The following RORA variants were observed in gnomAD, a reference collection of about 807,000 sequenced individuals.
The protein encoded by RORA is RAR related orphan receptor A, also known as nuclear receptor ROR-alpha.
RORA carries 7 observed loss-of-function variants against 69.5 expected under a neutral mutation model. That is an observed-to-expected ratio of 0.10 (90% CI 0.06 to 0.19). The LOEUF is 0.19. RORA is among the 10% of genes least tolerant of loss of function. The probability of loss-of-function intolerance (pLI) is 1.00; values close to 1 mark genes in which losing one functional copy is unlikely to be tolerated. For missense variants in RORA, 457 were observed against 663.0 expected (o/e 0.69, Z 3.41); for synonymous variants, 261 against 240.8 (o/e 1.08, Z -0.78).
intron 1 of RORA, among the ~76,000 whole-genome samples, chr15:61,082,284 T>C (rs2078554781): frequency 6.6e-6 from 1 of 151,854 alleles, no homozygotes; most frequent in African/African-American, 2.4e-5. Flanking sequence ...AGGTCAGGAG[T>C]TGGAGATCAG....
intron 2 of RORA, among the ~76,000 whole-genome samples, chr15:60,560,622 T>C (rs1489539076): frequency 2.0e-5 from 3 of 152,198 alleles, no homozygotes; most frequent in African/African-American, 4.8e-5. Flanking sequence ...GTGGGAGGGA[T>C]CACTTGAGCC....
intron 1 of RORA, among the ~76,000 whole-genome samples, chr15:60,723,779 T>A (rs896183330): frequency 6.6e-6 from 1 of 152,152 alleles, no homozygotes; most frequent in African/African-American, 2.4e-5. Flanking sequence ...ACATGCAAGA[T>A]CTTGCTCTTG....
intron 1 of RORA, among the ~76,000 whole-genome samples, chr15:60,870,759 G>C (rs757478818): frequency 6.6e-6 from 1 of 152,166 alleles, no homozygotes; most frequent in African/African-American, 2.4e-5. Context: ...TTTTATGCTA[G>C]GCCAATCCTT....
At chr15:60,876,313 G>T (rs774509130) in intron 1 of RORA, among the ~76,000 whole-genome samples, 1,196 of 7,282 alleles carry the variant, frequency 0.16, 42 homozygotes, top group South Asian at 0.2. Flanking sequence ...ACAGGAAGTG[G>T]GGGGGGGGGG....
chr15:60,733,319 G>A (rs997818842), intron 1 of RORA, among the ~76,000 whole-genome samples: 9 of 152,304 alleles, frequency 5.9e-5, no homozygotes, highest in East Asian at 3.9e-4. Flanking sequence ...ATGGGAATAA[G>A]GACAGTGGAG....
intron 1 of RORA, among the ~76,000 whole-genome samples, chr15:61,169,382 G>T (rs2140891560): frequency 6.6e-6 from 1 of 151,938 alleles, no homozygotes; most frequent in Non-Finnish European, 1.5e-5. Context: ...ATACCTCTCT[G>T]CCTGGTATCC....
intron 1 of RORA, among the ~76,000 whole-genome samples, chr15:61,100,115 T>C (rs2078856422): frequency 6.8e-6 from 1 of 147,516 alleles, no homozygotes; most frequent in African/African-American, 2.5e-5. Flanking sequence ...CAATTTTCTT[T>C]TTTTTTTTTT....
chr15:61,090,458 C>G (rs2078689254), intron 1 of RORA, among the ~76,000 whole-genome samples: 1 of 152,146 alleles, frequency 6.6e-6, no homozygotes, highest in African/African-American at 2.4e-5. Flanking sequence ...AGAATCTTGC[C>G]ACCTAGTGAT....
rs2065280163 is a variant in RORA, at chr15:60,500,011, A to G, written c.1295-7T>C. On this transcript the variant is annotated splice_region_variant and splice_polypyrimidine_tract_variant and intron_variant, in intron 9 of 10. Transcript: ENST00000335670. ...TCTTGCAGCCATGAGCGATCTAAGC[A>G]TAAAAAAATGATATTCTTTAGCATT... 5 of 1,573,272 alleles carry G rather than the reference A, an allele frequency of 3.2e-6. No homozygotes were observed. Among genetic ancestry groups the G allele is most frequent in the Non-Finnish European group, 4.4e-6 (5 of 1,147,008 alleles).
At chr15:60,913,777 T>C (rs1397928497) in intron 1 of RORA, among the ~76,000 whole-genome samples, 4 of 152,338 alleles carry the variant, frequency 2.6e-5, no homozygotes, top group East Asian at 1.9e-4. Context: ...GTAACAACTG[T>C]AGAGTTAGAG....
intron 1 of RORA, among the ~76,000 whole-genome samples, chr15:60,971,235 C>G (rs1274932243): frequency 6.6e-6 from 1 of 152,208 alleles, no homozygotes; most frequent in Admixed American, 6.5e-5. Flanking sequence ...CTGGACTCCC[C>G]TAACACTGCA....
At chr15:61,077,252 G>A (rs2140638286) in intron 1 of RORA, among the ~76,000 whole-genome samples, 1 of 152,138 alleles carries the variant, frequency 6.6e-6, no homozygotes, top group South Asian at 2.1e-4. Context: ...GTAGTGAGGG[G>A]AGAAAGATAA....
chr15:61,178,089 G>C (rs967778179), intron 1 of RORA, among the ~76,000 whole-genome samples: 6 of 152,126 alleles, frequency 3.9e-5, no homozygotes, highest in African/African-American at 1.2e-4. Flanking sequence ...CATTAAAAAA[G>C]ACTCCAAGTG....
In RORA at chr15:61,202,443, A is replaced by G. The variant is rs754984073; in HGVS notation, c.166+26610T>C. Among the ~76,000 whole-genome samples the G allele has an allele frequency of 3.4e-4, 52 of 152,282 alleles. No individual in the cohort carries two copies. The Middle Eastern group carries it at 0.02, about 60-fold the overall frequency. The stretch of plus-strand genomic sequence containing the variant: ...TTTACACAAACTTACCAGATGCAAA[A>G]ACTTAGAGTGGAACACAGAGGCTAG... On this transcript the variant is annotated intron_variant, in intron 1 of 10. Transcript: ENST00000335670.
intron 1 of RORA, among the ~76,000 whole-genome samples, chr15:61,191,365 CAAA>C (rs55815707): frequency 1.7e-3 from 237 of 136,390 alleles, no homozygotes; most frequent in Admixed American, 2.0e-3. Context: ...CTCCTTGTAG[CAAA>C]AAAAAAAAAA....
chr15:60,778,777 A>T (rs1403285424), intron 1 of RORA, among the ~76,000 whole-genome samples: 3 of 152,046 alleles, frequency 2.0e-5, no homozygotes, highest in East Asian at 3.9e-4. Flanking sequence ...TTGAGTCAGG[A>T]TCCCTGGAGA....
At position 60,490,746 on chromosome 15, in the gene RORA, C is replaced by G. The variant is rs1315722304; in HGVS notation, c.*6709G>C. 1 of 152,058 alleles carries G rather than the reference C, an allele frequency of 6.6e-6. No individual in the cohort carries two copies. Among genetic ancestry groups the G allele is most frequent in the Non-Finnish European group, 1.5e-5 (1 of 67,980 alleles). The allele number at this position is 152,058 out of a possible 1,614,324, so 9.4% of individuals were successfully genotyped here. ...TTCAGTTATGGCTAGATTATTTAACCTATTTTTTTTGTACTTTGGAAACAA... is the reference window on the plus strand; with the variant it reads ...TTCAGTTATGGCTAGATTATTTAACGTATTTTTTTTGTACTTTGGAAACAA... On this transcript the variant is annotated 3_prime_UTR_variant, in exon 11 of 11. Transcript: ENST00000335670. This position sits in a 1 kb window ranked among gnomAD's most constrained non-coding sequence, Gnocchi z 4.1.
At chr15:60,657,046 G>A (rs565829883) in intron 2 of RORA, among the ~76,000 whole-genome samples, 1 of 152,200 alleles carries the variant, frequency 6.6e-6, no homozygotes, top group South Asian at 2.1e-4. Context: ...TGCAGCACTA[G>A]TTGCTTGCAG....
intron 1 of RORA, among the ~76,000 whole-genome samples, chr15:60,753,680 T>A (rs373373234): frequency 2.6e-5 from 4 of 152,236 alleles, no homozygotes; most frequent in African/African-American, 9.6e-5. Flanking sequence ...TTTCAGAATA[T>A]AAAGCCATGC....
Sources: allele counts gnomAD v4.1 joint callset (sites outside exome capture counted in the v4.1 genomes callset), GRCh38; gene constraint gnomAD v4.1.1; non-coding constraint Gnocchi (gnomAD v3.1); transcripts MANE v1.5; gene names NCBI Gene and HGNC (gene_info 2026-07-23, HGNC 2026-07-21).